The following ASIC2 variants were observed in gnomAD, a reference collection of about 807,000 sequenced individuals.
ASIC2 encodes acid-sensing ion channel 2.
ASIC2 carries 25 observed loss-of-function variants against 57.3 expected under a neutral mutation model. The observed-to-expected ratio is 0.44, with a 90% CI of 0.32 to 0.61. ASIC2 has a LOEUF of 0.61. Among genes scored for constraint, ASIC2 ranks in the 20% least tolerant of loss-of-function variants. ASIC2 has a pLI of 0.06. For missense variants in ASIC2, 641 were observed against 738.1 expected (o/e 0.87, Z 1.52); for synonymous variants, 319 against 307.5 (o/e 1.04, Z -0.39).
At chr17:33,688,229 T>G (rs1908255404) in intron 1 of ASIC2, among the ~76,000 whole-genome samples, 1 of 152,152 alleles carries the variant, frequency 6.6e-6, no homozygotes, top group African/African-American at 2.4e-5. Context: ...AGACTTCGTG[T>G]TGGTTTTGTG....
intron 1 of ASIC2, among the ~76,000 whole-genome samples, chr17:33,660,848 C>A (rs1597825296): frequency 6.6e-6 from 1 of 152,186 alleles, no homozygotes; most frequent in East Asian, 1.9e-4. Context: ...CTGAACTTTG[C>A]CCTCCCACTG....
chr17:33,640,291 A>C (rs1906518802), intron 1 of ASIC2, among the ~76,000 whole-genome samples: 1 of 152,188 alleles, frequency 6.6e-6, no homozygotes, highest in Non-Finnish European at 1.5e-5. Context: ...GAGTATTTAG[A>C]AGAGCAACAA....
intron 1 of ASIC2, among the ~76,000 whole-genome samples, chr17:34,126,339 A>G (rs1911779952): frequency 6.6e-6 from 1 of 152,336 alleles, no homozygotes; most frequent in East Asian, 1.9e-4. Flanking sequence ...CTCAAAACCA[A>G]GCAGCCAAGC....
chr17:33,511,611 C>A (rs1914432853), intron 1 of ASIC2, among the ~76,000 whole-genome samples: 1 of 152,168 alleles, frequency 6.6e-6, no homozygotes. Context: ...GTCTCACTGC[C>A]CACATCCAAG....
At chr17:33,245,702 G>A (rs1358049471) in intron 1 of ASIC2, among the ~76,000 whole-genome samples, 1 of 152,152 alleles carries the variant, frequency 6.6e-6, no homozygotes, top group Non-Finnish European at 1.5e-5. Context: ...GAGCATCAGA[G>A]GGTAACATGA....
At chr17:33,620,388 C>G (rs1387783199) in intron 1 of ASIC2, among the ~76,000 whole-genome samples, 1 of 152,086 alleles carries the variant, frequency 6.6e-6, no homozygotes, top group Non-Finnish European at 1.5e-5. Context: ...TTCAGCAATT[C>G]GTTTTTAAAT....
chr17:33,830,332 T>G (rs1913063950), intron 1 of ASIC2, among the ~76,000 whole-genome samples: 1 of 152,136 alleles, frequency 6.6e-6, no homozygotes, highest in Non-Finnish European at 1.5e-5. Flanking sequence ...CAACTTCCTG[T>G]CCTACCTTTC....
chr17:33,394,574 A>C (rs1295405216), intron 1 of ASIC2, among the ~76,000 whole-genome samples: 1 of 152,222 alleles, frequency 6.6e-6, no homozygotes, highest in Non-Finnish European at 1.5e-5. Context: ...GAGAGAGAAG[A>C]GGTTCAGAGA....
chr17:34,128,918 T>C (rs1911870721), intron 1 of ASIC2, among the ~76,000 whole-genome samples: 2 of 152,058 alleles, frequency 1.3e-5, no homozygotes, highest in African/African-American at 4.8e-5. Flanking sequence ...AATCCACCTG[T>C]GGTTGGGGTT....
intron 1 of ASIC2, among the ~76,000 whole-genome samples, chr17:33,846,675 C>T (rs934756991): frequency 1.2e-4 from 18 of 152,252 alleles, no homozygotes; most frequent in African/African-American, 3.4e-4. Flanking sequence ...ATAACACCGT[C>T]TACTTCTTTC....
At chr17:33,552,179 G>A (rs1915771730) in intron 1 of ASIC2, among the ~76,000 whole-genome samples, 2 of 152,222 alleles carry the variant, frequency 1.3e-5, no homozygotes, top group African/African-American at 4.8e-5. Context: ...AAGGGCCTCT[G>A]TTGAATAACT....
intron 1 of ASIC2, among the ~76,000 whole-genome samples, chr17:33,513,642 G>C (rs1247175837): frequency 6.6e-6 from 1 of 152,152 alleles, no homozygotes; most frequent in East Asian, 1.9e-4. Flanking sequence ...ACTGATTTGG[G>C]GCAGTAAGAG....
chr17:34,005,695 A>C (rs1048162920), intron 1 of ASIC2: 1 of 152,254 alleles, frequency 6.6e-6, no homozygotes, highest in African/African-American at 2.4e-5. Flanking sequence ...AGTCTTCAAC[A>C]TGTAAACCAA....
chr17:33,918,182 A>G (rs1256893216), intron 1 of ASIC2, among the ~76,000 whole-genome samples: 1 of 152,056 alleles, frequency 6.6e-6, no homozygotes, highest in East Asian at 1.9e-4. Flanking sequence ...AATCTTGTTT[A>G]TCCTTTGTTG....
chr17:33,312,213 A>C (rs1279673471), intron 1 of ASIC2, among the ~76,000 whole-genome samples: 4 of 152,134 alleles, frequency 2.6e-5, no homozygotes, highest in Non-Finnish European at 5.9e-5. Flanking sequence ...AACCTGTTAA[A>C]CCTGGTGTAT....
At chr17:33,462,810 A>C (rs1297133336) in intron 1 of ASIC2, among the ~76,000 whole-genome samples, 1 of 152,190 alleles carries the variant, frequency 6.6e-6, no homozygotes, top group Non-Finnish European at 1.5e-5. Context: ...GTGAATGCCC[A>C]TATGATATGT....
chr17:33,294,492 G>A (rs542683100), upstream of ASIC2, among the ~76,000 whole-genome samples: 2 of 152,086 alleles, frequency 1.3e-5, no homozygotes, highest in South Asian at 4.2e-4. Context: ...TGACCTGAGG[G>A]CACCCTTACA....
rs372005524 is a variant in ASIC2 at position 33,450,949 on chromosome 17, T to C, written c.556-338882A>G. Among the ~76,000 whole-genome samples, 7 of 152,320 alleles carry C rather than the reference T, an allele frequency of 4.6e-5. No individual in the cohort carries two copies. In the South Asian group the frequency reaches 1.5e-3, roughly 32 times the overall value. ...CATATCCAACTGCTATCCTGACATG[T>C]TCTCTTAGCTGTCTTACCATAGGGA... On this transcript the variant is annotated intron_variant, in intron 1 of 9. Coordinates refer to the ASIC2 transcript ENST00000359872.
intron 1 of ASIC2, among the ~76,000 whole-genome samples, chr17:33,218,087 C>A (rs117932121): frequency 3.7e-4 from 56 of 152,340 alleles, no homozygotes; most frequent in African/African-American, 1.3e-3. Context: ...TTCTTTGCTA[C>A]GTAATGCAAT....
Sources: gnomAD v4.1 joint callset for allele counts (sites outside exome capture counted in the v4.1 genomes callset) on GRCh38, gnomAD v4.1.1 for gene constraint, MANE v1.5 for transcripts, NCBI Gene and HGNC (gene_info 2026-07-23, HGNC 2026-07-21) for gene names.